Variants in C1orf54 observed in about 807,000 individuals in gnomAD.
The protein encoded by C1orf54 is uncharacterized protein C1orf54.
A neutral mutation model predicts 14.7 loss-of-function variants in C1orf54; 12 were observed. The observed-to-expected ratio is 0.82, with a 90% CI of 0.52 to 1.32. C1orf54 has a LOEUF of 1.32. Ranked by LOEUF, C1orf54 falls within the 40% of genes most tolerant of loss-of-function variation. The probability of loss-of-function intolerance (pLI) is 0.00; values close to 1 mark genes in which losing one functional copy is unlikely to be tolerated. For synonymous variants in C1orf54, 65 were observed against 56.3 expected (o/e 1.16, Z -0.70); for missense variants, 163 against 162.2 (o/e 1.00, Z -0.03).
At chr1:150,279,607 C>T in intron 4 of C1orf54, 36 bp from the exon 5 acceptor site, 1 of 1,569,088 alleles carries the variant, frequency 6.4e-7, no homozygotes, top group Non-Finnish European at 8.7e-7. Context: ...AGGAATGACA[C>T]CAGCCTACTG....
At chr1:150,273,175 G>A (rs1000336066) in intron 1 of C1orf54, among the ~76,000 whole-genome samples, 2 of 152,184 alleles carry the variant, frequency 1.3e-5, no homozygotes, top group African/African-American at 4.8e-5. Context: ...TAAGGGTGAA[G>A]GAGGGATTAT....
At chr1:150,273,005 A>C in intron 1 of C1orf54, 142 bp downstream of exon 1, 1 of 934,950 alleles carries the variant, frequency 1.1e-6, no homozygotes. Context: ...TCCGGTGTTG[A>C]GGGCAGAATG....
chr1:150,271,769 G>A (rs1236206399), upstream of C1orf54, among the ~76,000 whole-genome samples: 13 of 152,212 alleles, frequency 8.5e-5, no homozygotes, highest in East Asian at 1.2e-3. Flanking sequence ...TGGGAGGGAA[G>A]GTGTGGCACC....
chr1:150,275,395 C>T (rs1553852222), intron 2 of C1orf54, among the ~76,000 whole-genome samples: 1 of 151,662 alleles, frequency 6.6e-6, no homozygotes, highest in East Asian at 1.9e-4. Flanking sequence ...CCCAGCTACT[C>T]AGGAGGCTGA....
At chr1:150,273,881 G>C (rs1178008343) in intron 1 of C1orf54, among the ~76,000 whole-genome samples, 2 of 152,102 alleles carry the variant, frequency 1.3e-5, no homozygotes, top group Non-Finnish European at 2.9e-5. Context: ...GGAGTAACAG[G>C]CCTCATTACA....
intron 3 of C1orf54, among the ~76,000 whole-genome samples, chr1:150,276,188 G>A (rs956806541): frequency 3.3e-5 from 5 of 152,010 alleles, no homozygotes; most frequent in Admixed American, 1.3e-4. Context: ...ATGTTGAAAT[G>A]TATCTGATTA....
chr1:150,271,475 T>C (rs1553851267), upstream of C1orf54, among the ~76,000 whole-genome samples: 2 of 152,192 alleles, frequency 1.3e-5, no homozygotes, highest in Admixed American at 6.5e-5. Flanking sequence ...ACCTATCTTG[T>C]TCATGGGTGT....
At chr1:150,273,618 T>A (rs1167698442) in intron 1 of C1orf54, among the ~76,000 whole-genome samples, 12 of 152,194 alleles carry the variant, frequency 7.9e-5, no homozygotes, top group Admixed American at 7.9e-4. Context: ...GGTTATTCTG[T>A]TAGCAGTGAA....
upstream of C1orf54, among the ~76,000 whole-genome samples, chr1:150,271,730 A>C (rs587645507): frequency 1.3e-5 from 2 of 152,364 alleles, no homozygotes; most frequent in Admixed American, 6.5e-5. Context: ...GTAGGACGGA[A>C]TGAAGGGAAC....
chr1:150,268,814 T>A (rs1283191804), upstream of C1orf54: 3 of 1,609,610 alleles, frequency 1.9e-6, no homozygotes, highest in East Asian at 6.7e-5. Context: ...CCCCCATGGC[T>A]GGTCAGGTGG....
intron 2 of C1orf54, 62 bp downstream of exon 2, chr1:150,274,232 C>T: frequency 7.9e-7 from 1 of 1,261,058 alleles, no homozygotes; most frequent in Non-Finnish European, 1.1e-6. Context: ...ATATTTAGTT[C>T]TGAGACTTTG....
chr1:150,274,258 C>A, intron 2 of C1orf54, 88 bp downstream of exon 2: 2 of 1,006,216 alleles, frequency 2.0e-6, no homozygotes, highest in Non-Finnish European at 3.1e-6. Context: ...CACTTTGAAG[C>A]AGAGCAATGG....
intron 4 of C1orf54, 106 bp downstream of exon 4, chr1:150,276,738 TA>T: frequency 1.2e-6 from 1 of 833,712 alleles, no homozygotes; most frequent in Non-Finnish European, 2.0e-6. Flanking sequence ...GAGAACCAAA[TA>T]ATTAGTACTT....
intron 2 of C1orf54, among the ~76,000 whole-genome samples, chr1:150,274,983 G>T (rs587602646): frequency 6.6e-6 from 1 of 151,574 alleles, no homozygotes; most frequent in South Asian, 2.1e-4. Context: ...GATTGCTTGA[G>T]CCCAGGAGTT....
chr1:150,273,083 C>A (rs1553851631), intron 1 of C1orf54, among the ~76,000 whole-genome samples: 1 of 152,144 alleles, frequency 6.6e-6, no homozygotes, highest in Admixed American at 6.5e-5. Flanking sequence ...GAGGATGGAG[C>A]TCCAGACACA....
At chr1:150,270,062 G>A (rs1445739155), upstream of C1orf54, among the ~76,000 whole-genome samples, 1 of 152,092 alleles carries the variant, frequency 6.6e-6, no homozygotes, top group Non-Finnish European at 1.5e-5. Context: ...AGTTAAGTAG[G>A]AGAGGAGGGT....
intron 5 of C1orf54, 136 bp from the exon 6 acceptor site, chr1:150,280,699 A>C (rs1054456137): frequency 2.3e-5 from 15 of 661,522 alleles, no homozygotes; most frequent in Non-Finnish European, 3.4e-5. Context: ...GGGTACACAC[A>C]CATCTTTCCC....
chr1:150,272,982 C>G lies in C1orf54; in HGVS notation c.46+119C>G, dbSNP rs587667909. The G allele has an allele frequency of 1.1e-4, 126 of 1,165,710 alleles. 1 individual carries two copies. Among genetic ancestry groups the G allele is most frequent in the Admixed American group, 5.9e-4 (33 of 56,028 alleles). 72.2% of individuals were successfully genotyped at this position (1,165,710 alleles called of 1,614,324 possible). Reference sequence around the variant, plus strand: ...TCAGTGGGGAGCGATAGAGTTTTCTCATCGTGCTGGGGTCCGGTGTTGAGG... The same window carrying G: ...TCAGTGGGGAGCGATAGAGTTTTCTGATCGTGCTGGGGTCCGGTGTTGAGG... On this transcript the variant is annotated intron_variant, in intron 1 of 5. Transcript: ENST00000369099.
chr1:150,280,753 T>C, intron 5 of C1orf54, 82 bp from the exon 6 acceptor site: 1 of 1,113,838 alleles, frequency 9.0e-7, no homozygotes. Flanking sequence ...ATCTGGGGAG[T>C]TTCCATAGAG....
Sources: gnomAD v4.1 joint callset for allele counts (sites outside exome capture counted in the v4.1 genomes callset) on GRCh38, gnomAD v4.1.1 for gene constraint, MANE v1.5 for transcripts, NCBI Gene and HGNC (gene_info 2026-07-23, HGNC 2026-07-21) for gene names.